PLEKHG1: variants seen among roughly 807,000 people sequenced by gnomAD.
PLEKHG1 encodes pleckstrin homology domain-containing family G member 1.
A neutral mutation model predicts 100.8 loss-of-function variants in PLEKHG1; 44 were observed. The ratio of observed to expected loss-of-function variants is 0.44; its 90% confidence interval spans 0.34 to 0.56. The LOEUF (loss-of-function observed/expected upper bound fraction) is 0.56, where lower values mean the gene tolerates loss of function less well. Ranked by LOEUF, PLEKHG1 falls within the 20% of genes least tolerant of loss-of-function variation. PLEKHG1 has a pLI of 0.01. For synonymous variants in PLEKHG1, 640 were observed against 662.5 expected (o/e 0.97, Z 0.52); for missense variants, 1,545 against 1,720.9 (o/e 0.90, Z 1.81).
chr6:150,779,870 G>A (rs1785211356), intron 3 of PLEKHG1, among the ~76,000 whole-genome samples: 1 of 151,446 alleles, frequency 6.6e-6, no homozygotes, highest in South Asian at 2.1e-4. Context: ...GGAGGCTGAG[G>A]GAGAATTGCT....
chr6:150,756,958 TAAGTA>T (rs762981266), intron 2 of PLEKHG1, among the ~76,000 whole-genome samples: 2 of 152,196 alleles, frequency 1.3e-5, no homozygotes, highest in Non-Finnish European at 2.9e-5. Context: ...AACACATGTT[TAAGTA>T]AAGTATATGA....
At chr6:150,730,182 G>A (rs1469194229) in intron 1 of PLEKHG1, among the ~76,000 whole-genome samples, 1 of 152,060 alleles carries the variant, frequency 6.6e-6, no homozygotes, top group Non-Finnish European at 1.5e-5. Context: ...TTCTTCTCCG[G>A]TTACAAAATC....
intron 3 of PLEKHG1, among the ~76,000 whole-genome samples, chr6:150,676,730 A>T (rs1339536987): frequency 6.6e-6 from 1 of 152,240 alleles, no homozygotes. Flanking sequence ...TCATGGAATT[A>T]ATTATAATGA....
chr6:150,770,423 A>T (rs1784667136), intron 3 of PLEKHG1, among the ~76,000 whole-genome samples: 1 of 152,188 alleles, frequency 6.6e-6, no homozygotes, highest in African/African-American at 2.4e-5. Context: ...AACTTTTTTC[A>T]TTTGACTCAG....
At chr6:150,622,814 A>G (rs994532105) in intron 1 of PLEKHG1, among the ~76,000 whole-genome samples, 1 of 152,156 alleles carries the variant, frequency 6.6e-6, no homozygotes, top group African/African-American at 2.4e-5. Flanking sequence ...AAAATCAGCA[A>G]ATGTTTCTCT....
chr6:150,758,462 A>G (rs1273760876), intron 2 of PLEKHG1, among the ~76,000 whole-genome samples: 2 of 151,974 alleles, frequency 1.3e-5, no homozygotes, highest in Non-Finnish European at 2.9e-5. Context: ...CAGCCTCCCG[A>G]GTAGCTGGAA....
intron 3 of PLEKHG1, among the ~76,000 whole-genome samples, chr6:150,666,725 G>C (rs1211048005): frequency 6.6e-6 from 1 of 151,854 alleles, no homozygotes; most frequent in Non-Finnish European, 1.5e-5. Flanking sequence ...TTGCCTTCTA[G>C]CTTCATACAG....
chr6:150,756,868 T>C (rs1006607750), intron 2 of PLEKHG1, among the ~76,000 whole-genome samples: 2 of 152,234 alleles, frequency 1.3e-5, no homozygotes, highest in Non-Finnish European at 2.9e-5. Flanking sequence ...AGATAATCTA[T>C]ACTACTGTTC....
chr6:150,774,055 A>ACC (rs1395791830), intron 3 of PLEKHG1, among the ~76,000 whole-genome samples: 2 of 152,232 alleles, frequency 1.3e-5, no homozygotes, highest in Non-Finnish European at 2.9e-5. Context: ...TCAATACTGT[A>ACC]ACAAACTTTC....
At chr6:150,669,179 C>T (rs1479564859) in intron 3 of PLEKHG1, among the ~76,000 whole-genome samples, 1 of 152,172 alleles carries the variant, frequency 6.6e-6, no homozygotes, top group African/African-American at 2.4e-5. Context: ...AAGGAGGCTC[C>T]TGACTTAGAT....
chr6:150,694,868 A>T (rs1044825580), intron 3 of PLEKHG1, among the ~76,000 whole-genome samples: 2 of 152,158 alleles, frequency 1.3e-5, no homozygotes, highest in African/African-American at 4.8e-5. Flanking sequence ...TGTAGTTCTT[A>T]GTAGCTGGAG....
At chr6:150,654,642 G>A (rs916753996) in intron 3 of PLEKHG1, among the ~76,000 whole-genome samples, 1 of 152,212 alleles carries the variant, frequency 6.6e-6, no homozygotes, top group African/African-American at 2.4e-5. Context: ...TATGGCGAAG[G>A]CATGCTCAAG....
intron 3 of PLEKHG1, chr6:150,686,972 G>A (rs1190432708): frequency 6.6e-6 from 1 of 152,668 alleles, no homozygotes; most frequent in African/African-American, 2.4e-5. Flanking sequence ...ACCGAGCCAA[G>A]ATGGAATTGC....
At chr6:150,754,218 G>T (rs548594350) in intron 2 of PLEKHG1, among the ~76,000 whole-genome samples, 1 of 152,188 alleles carries the variant, frequency 6.6e-6, no homozygotes, top group South Asian at 2.1e-4. Flanking sequence ...AGTGAGAAAA[G>T]AATAGACAAT....
intron 1 of PLEKHG1, among the ~76,000 whole-genome samples, chr6:150,602,166 C>T (rs1173357751): frequency 6.6e-6 from 1 of 152,182 alleles, no homozygotes; most frequent in Non-Finnish European, 1.5e-5. Flanking sequence ...CTCTTGAGCC[C>T]TTCGTCAACC....
At chr6:150,684,143 T>A (rs1440260620) in intron 3 of PLEKHG1, among the ~76,000 whole-genome samples, 1 of 152,126 alleles carries the variant, frequency 6.6e-6, no homozygotes, top group Non-Finnish European at 1.5e-5. Context: ...CTTCATATTA[T>A]CCTTAGATCC....
chr6:150,770,286 C>T (rs898120852), intron 3 of PLEKHG1, among the ~76,000 whole-genome samples: 1 of 152,160 alleles, frequency 6.6e-6, no homozygotes, highest in Non-Finnish European at 1.5e-5. Flanking sequence ...TTCACATATC[C>T]TTTGCCATCC....
rs149277031 is a variant in PLEKHG1 at position 150,772,776 on chromosome 6, G to A, written c.512+4038G>A. On this transcript the variant is annotated intron_variant, in intron 3 of 15. Coordinates refer to ENST00000358517, the Ensembl canonical transcript of PLEKHG1. The stretch of plus-strand genomic sequence containing the variant: ...TGGTGATGATCTATCTCTGTATTTT[G>A]CCAATTGCGTTAAGATTGAGCATCT... 3.3e-3 allele frequency among the ~76,000 whole-genome samples: 497 copies of A among 152,136 alleles called. 1 individual carries two copies. The highest frequency in any genetic ancestry group is 5.6e-3 in the Non-Finnish European group (378 of 67,996).
intron 2 of PLEKHG1, among the ~76,000 whole-genome samples, chr6:150,644,904 TTATAA>T (rs770520290): frequency 2.6e-5 from 4 of 152,132 alleles, no homozygotes; most frequent in Non-Finnish European, 4.4e-5. Context: ...AATATCATTA[TTATAA>T]TATAAAGATG....
Sources: gnomAD v4.1 joint callset for allele counts (sites outside exome capture counted in the v4.1 genomes callset) on GRCh38, gnomAD v4.1.1 for gene constraint, MANE v1.5 for transcripts, NCBI Gene and HGNC (gene_info 2026-07-23, HGNC 2026-07-21) for gene names.